Variants in MASTL observed in about 807,000 individuals in gnomAD.
The protein encoded by MASTL is serine/threonine-protein kinase greatwall.
Under a neutral mutation model 82.5 loss-of-function variants are expected in MASTL, and 54 were observed. That is an observed-to-expected ratio of 0.65 (90% CI 0.53 to 0.82). MASTL has a LOEUF of 0.82. MASTL is among the 40% of genes least tolerant of loss of function. The pLI, the probability that MASTL is intolerant of heterozygous loss-of-function variation, is 0.00. For missense variants in MASTL, 950 were observed against 1,047.8 expected, an observed-to-expected ratio of 0.91 and a Z score of 1.29; for synonymous variants, 323 against 368.9, an observed-to-expected ratio of 0.88 and a Z score of 1.43.
chr10:27,185,088 C>T lies in MASTL; in HGVS notation c.2483-1291C>T, dbSNP rs142905680. On this transcript the variant is annotated intron_variant, in intron 11 of 11. Transcript: ENST00000375940. ...GAAGAGAACGTGTCAGAACTGTCAT[C>T]AGTATCTATTCTTGAAGTCACCATG... 1.0e-3 allele frequency among the ~76,000 whole-genome samples: 157 copies of T among 152,254 alleles called. 1 individual carries two copies. Among genetic ancestry groups the T allele is most frequent in the African/African-American group, 3.5e-3 (146 of 41,554 alleles).
chr10:27,166,031 A>G (rs2136026898), intron 6 of MASTL, among the ~76,000 whole-genome samples: 1 of 151,780 alleles, frequency 6.6e-6, no homozygotes, highest in South Asian at 2.1e-4. Context: ...ACATGGTAAA[A>G]CCCTGTCTTT....
rs2057868132 is a variant in MASTL at position 27,169,978 on chromosome 10, G to A, written c.1019G>A (p.Ser340Asn). The A allele has an allele frequency of 6.2e-7, 1 of 1,614,150 alleles. No homozygotes were observed. The highest frequency in any genetic ancestry group is 1.1e-5 in the South Asian group (1 of 91,088). The change falls in exon 8 of 12, where the codon AGT becomes AAT. Residue 340 changes from serine (S) to asparagine (N), a missense_variant. Coordinates refer to ENST00000375940, the MANE Select transcript of MASTL (RefSeq NM_001172303.3). ...SDEALGPTMM[S>N]WNAVEKLCAK... Reference sequence around the variant, plus strand: ...GAAGCATTGGGCCCAACAATGATGAGTTGGAATGCAGTTGAAAAGTTATGC... The same window carrying A: ...GAAGCATTGGGCCCAACAATGATGAATTGGAATGCAGTTGAAAAGTTATGC...
intron 1 of MASTL, 81 bp from the exon 2 acceptor site, chr10:27,158,467 AC>A (rs1159541294): frequency 2.7e-6 from 3 of 1,125,630 alleles, no homozygotes; most frequent in Non-Finnish European, 4.0e-6. Flanking sequence ...TGATCATGCC[AC>A]TGCACTCAGC....
chr10:27,181,930 G>A (rs1564506488), intron 11 of MASTL, among the ~76,000 whole-genome samples: 1 of 151,938 alleles, frequency 6.6e-6, no homozygotes, highest in African/African-American at 2.4e-5. Flanking sequence ...AAAAAAGTAG[G>A]CAGGCATAGT....
rs745602855 is a variant in MASTL at position 27,170,474 on chromosome 10, TAAG to T, written c.1516_1518del (p.Lys506del). On this transcript the variant is annotated inframe_deletion, in exon 8 of 12. Transcript: ENST00000375940. The stretch of plus-strand genomic sequence containing the variant: ...AAAGTCAACAAAATGACTGTGCTAA[TAAG>T]GAGAACATTGTCAATTCTTTTACTG... 2.8e-5 allele frequency: 46 copies of T among 1,614,106 alleles called. No individual in the cohort carries two copies. Among genetic ancestry groups the T allele is most frequent in the Non-Finnish European group, 3.9e-5 (46 of 1,180,010 alleles).
chr10:27,169,783 A>G (rs1564492038), intron 7 of MASTL, among the ~76,000 whole-genome samples, 161 bp from the exon 8 acceptor site: 2 of 152,124 alleles, frequency 1.3e-5, no homozygotes, highest in Admixed American at 1.3e-4. Context: ...AATTGCTTAC[A>G]TTGCTTTTTA....
chr10:27,170,275 G>A lies in MASTL; in HGVS notation c.1316G>A (p.Gly439Glu), dbSNP rs978530176. The A allele has an allele frequency of 1.2e-6, 2 of 1,613,958 alleles. No individual in the cohort carries two copies. The highest frequency in any genetic ancestry group is 1.1e-5 in the South Asian group (1 of 91,074). Residue 439 changes from glycine (G) to glutamate (E), a missense_variant, in exon 8 of 12, where the codon GGG (glycine) becomes GAG (glutamate). By Grantham distance (98) the Gly-to-Glu change is moderately conservative. Coordinates refer to ENST00000375940, the MANE Select transcript of MASTL (RefSeq NM_001172303.3). Reference sequence around the variant, plus strand: ...GGTGGGATATCTGAAGAGCACCTTGGGAAAAGAAGTTTAAAAAGAAATTTT... The same window carrying A: ...GGTGGGATATCTGAAGAGCACCTTGAGAAAAGAAGTTTAAAAAGAAATTTT... ...DSGGISEEHLGKRSLKRNFEL... is the reference protein window; with the variant it reads ...DSGGISEEHLEKRSLKRNFEL...
chr10:27,176,221 A>G (rs1243446261), intron 9 of MASTL, among the ~76,000 whole-genome samples: 1 of 152,130 alleles, frequency 6.6e-6, no homozygotes, highest in Non-Finnish European at 1.5e-5. Flanking sequence ...ATTTAAATCC[A>G]GCCAATTAGA....
chr10:27,170,972 C>T lies in MASTL; in HGVS notation c.2013C>T (p.Ser671=). The stretch of plus-strand genomic sequence containing the variant: ...ATGCATCCAATAACTCAGAACCATC[C>T]AGAATGAACATGACTTCTTTAGATG... ...HINASNNSEP[S]RMNMTSLDAM... Residue 671 remains serine (S), a synonymous_variant, in exon 8 of 12, where the codon TCC becomes TCT. Transcript: ENST00000375940. 6.2e-7 allele frequency: 1 copy of T among 1,614,042 alleles called. No individual in the cohort carries two copies. The highest frequency in any genetic ancestry group is 8.5e-7 in the Non-Finnish European group (1 of 1,179,956).
intron 2 of MASTL, 125 bp downstream of exon 2, chr10:27,158,811 G>A: frequency 1.0e-6 from 1 of 997,952 alleles, no homozygotes; most frequent in South Asian, 1.3e-5. Context: ...CACTGCCTTG[G>A]CAAATTTACC....
chr10:27,159,789 A>G lies in MASTL; in HGVS notation c.464+31A>G. The G allele has an allele frequency of 1.3e-6, 2 of 1,581,718 alleles. No homozygotes were observed. Among genetic ancestry groups the G allele is most frequent in the South Asian group, 1.1e-5 (1 of 90,372 alleles). The stretch of plus-strand genomic sequence containing the variant: ...GACTGACTTCTCCAAATTATTACTT[A>G]AAAATTCAAGTAATCAAATTACATA... On this transcript the variant is annotated intron_variant, in intron 3 of 11. Coordinates refer to ENST00000375940, the MANE Select transcript of MASTL (RefSeq NM_001172303.3). The surrounding 1 kb of genome is among the most constrained non-coding windows in gnomAD (Gnocchi z 4.0).
chr10:27,186,812 A>C lies in MASTL; in HGVS notation c.*276A>C. The C allele has an allele frequency of 2.4e-6, 1 of 422,232 alleles. No individual in the cohort carries two copies. The highest frequency in any genetic ancestry group is 2.3e-5 in the South Asian group (1 of 43,394). The allele number at this position is 422,232 out of a possible 1,614,324, so 26.2% of individuals were successfully genotyped here. On this transcript the variant is annotated 3_prime_UTR_variant, in exon 12 of 12. Transcript: ENST00000375940. ...TTATGAAAACTGAAGCATCAATAAA[A>C]TTAGAGGACACTATTGAGAGTGAGC... is the stretch of plus-strand genomic sequence containing the variant.
chr10:27,167,340 A>G, intron 7 of MASTL, 66 bp downstream of exon 7: 2 of 1,323,366 alleles, frequency 1.5e-6, no homozygotes, highest in Non-Finnish European at 1.1e-6. Flanking sequence ...GAAATATTAT[A>G]CCTTTTCATA....
At chr10:27,155,701 G>A (rs1017836553) in intron 1 of MASTL, 89 bp downstream of exon 1, 26 of 1,475,814 alleles carry the variant, frequency 1.8e-5, no homozygotes, top group Non-Finnish European at 2.2e-5. Flanking sequence ...GGGGTTGCTG[G>A]AGCGAGGAGT....
chr10:27,185,762 G>A (rs935945312), intron 11 of MASTL, among the ~76,000 whole-genome samples: 18 of 149,096 alleles, frequency 1.2e-4, no homozygotes, highest in Middle Eastern at 3.4e-3. Flanking sequence ...ACTCCAGATT[G>A]GGCACTGGAG....
At chr10:27,184,497 G>A (rs187352705) in intron 11 of MASTL, among the ~76,000 whole-genome samples, 6 of 150,140 alleles carry the variant, frequency 4.0e-5, no homozygotes, top group Admixed American at 4.0e-4. Context: ...GTGAGTGTCT[G>A]AATGCAACAT....
At chr10:27,180,216 T>C (rs1367137591) in intron 9 of MASTL, among the ~76,000 whole-genome samples, 1 of 152,126 alleles carries the variant, frequency 6.6e-6, no homozygotes, top group African/African-American at 2.4e-5. Context: ...TTAGACGAAG[T>C]AGGAAAATAC....
In MASTL at chr10:27,181,015, C is replaced by G; in HGVS notation, c.2329C>G (p.Pro777Ala). 1 of 1,613,452 alleles carries G rather than the reference C, an allele frequency of 6.2e-7. No homozygotes were observed. The highest frequency in any genetic ancestry group is 8.5e-7 in the Non-Finnish European group (1 of 1,179,374). ...GTTTGAATTTCTAACAGGAATTCCCCCTTTCAATGATGAAACACCACAACA... is the reference window on the plus strand; with the variant it reads ...GTTTGAATTTCTAACAGGAATTCCCGCTTTCAATGATGAAACACCACAACA... ...CLFEFLTGIPPFNDETPQQVF... is the reference protein window; with the variant it reads ...CLFEFLTGIPAFNDETPQQVF... Residue 777 changes from proline (P) to alanine (A), a missense_variant, in exon 10 of 12, where the codon CCT becomes GCT. By Grantham distance (27) the Pro-to-Ala change is conservative (BLOSUM62 -1). Coordinates refer to ENST00000375940, the MANE Select transcript of MASTL (RefSeq NM_001172303.3).
At chr10:27,155,192 ATGTCAGT>A (rs2057308627), upstream of MASTL, 1 of 569,340 alleles carries the variant, frequency 1.8e-6, no homozygotes, top group Admixed American at 3.1e-5. Flanking sequence ...ATGAGGAATG[ATGTCAGT>A]GGGGCCGCGG....
Sources: allele counts gnomAD v4.1 joint callset (sites outside exome capture counted in the v4.1 genomes callset), GRCh38; gene constraint gnomAD v4.1.1; non-coding constraint Gnocchi (gnomAD v3.1); transcripts MANE v1.5; gene names NCBI Gene and HGNC (gene_info 2026-07-23, HGNC 2026-07-21).